Variants in NCAM1 observed in about 807,000 individuals in gnomAD.
The protein encoded by NCAM1 is neural cell adhesion molecule 1, also known as antigen recognized by monoclonal antibody 5.1H11.
In NCAM1, 14 loss-of-function variants were observed where a neutral mutation model predicts 109.8. The ratio of observed to expected loss-of-function variants is 0.13; its 90% CI spans 0.08 to 0.20. NCAM1 has a LOEUF of 0.20. NCAM1 is among the 10% of genes least tolerant of loss of function. The pLI, the probability that NCAM1 is intolerant of heterozygous loss-of-function variation, is 1.00. For synonymous variants in NCAM1, 418 were observed against 442.9 expected (o/e 0.94, Z 0.70); for missense variants, 774 against 1,109.9 (o/e 0.70, Z 4.30).
chr11:113,271,778 G>A lies in NCAM1; in HGVS notation c.2358G>A (p.Glu786=). ...KAAFSKDESK[E]PIVEVRTEEE... ...TCCACAGGAAAGATGAGTCCAAGGA[G>A]CCCATCGTGGAGGTTCGAACGGAGG... The change falls in exon 19 of 20, where the codon GAG becomes GAA. Residue 786 remains glutamate (E), a synonymous_variant. Transcript: ENST00000316851. 3 of 1,560,008 alleles carry A rather than the reference G, an allele frequency of 1.9e-6. No homozygotes were observed. The highest frequency in any genetic ancestry group is 1.9e-5 in the Admixed American group (1 of 51,984).
intron 1 of NCAM1, among the ~76,000 whole-genome samples, chr11:113,171,787 C>T (rs966653557): frequency 1.7e-4 from 26 of 152,258 alleles, no homozygotes; most frequent in Middle Eastern, 3.4e-3. Flanking sequence ...GAATTCTGTC[C>T]GCCCCAAATT....
At chr11:113,263,267 A>AAATATG in intron 17 of NCAM1, 1 of 1,033,164 alleles carries the variant, frequency 9.7e-7, no homozygotes, top group Non-Finnish European at 1.2e-6. Flanking sequence ...GTTCAAACCT[A>AAATATG]AATATGATGT....
At chr11:113,092,187 G>A (rs1939378532) in intron 1 of NCAM1, among the ~76,000 whole-genome samples, 1 of 152,114 alleles carries the variant, frequency 6.6e-6, no homozygotes, top group Admixed American at 6.5e-5. Flanking sequence ...CTGCCAGACA[G>A]TGTTCTAAAT....
At chr11:113,129,390 C>A (rs1941306697) in intron 1 of NCAM1, among the ~76,000 whole-genome samples, 1 of 152,176 alleles carries the variant, frequency 6.6e-6, no homozygotes, top group Non-Finnish European at 1.5e-5. Context: ...TCTCCACTGG[C>A]TACATCTTCA....
chr11:113,166,418 T>C (rs951066570), intron 1 of NCAM1, among the ~76,000 whole-genome samples: 2 of 152,320 alleles, frequency 1.3e-5, no homozygotes, highest in East Asian at 1.9e-4. Flanking sequence ...GAGGCACTCC[T>C]CTACCATTAC....
At chr11:113,259,187 G>A (rs1459783077) in intron 16 of NCAM1, among the ~76,000 whole-genome samples, 1 of 150,786 alleles carries the variant, frequency 6.6e-6, no homozygotes, top group Non-Finnish European at 1.5e-5. Flanking sequence ...AAGTAGCTGG[G>A]ACTACAGGCG....
intron 1 of NCAM1, among the ~76,000 whole-genome samples, chr11:113,101,279 A>G (rs1939863208): frequency 6.6e-6 from 1 of 152,140 alleles, no homozygotes; most frequent in African/African-American, 2.4e-5. Flanking sequence ...AGGAAATTTT[A>G]ATAATTATTA....
chr11:113,086,817 A>T (rs2135725982), intron 1 of NCAM1, among the ~76,000 whole-genome samples: 1 of 152,362 alleles, frequency 6.6e-6, no homozygotes, highest in African/African-American at 2.4e-5. Context: ...CTTAAAAAAA[A>T]ATAATACTTG....
chr11:113,008,511 A>G (rs1271819908), intron 1 of NCAM1, among the ~76,000 whole-genome samples: 1 of 152,200 alleles, frequency 6.6e-6, no homozygotes, highest in Non-Finnish European at 1.5e-5. Context: ...AACTCTCCCC[A>G]TATATTAGTT....
At chr11:113,009,312 GTTTTTTTTTTTTTTTT>G (rs781818836) in intron 1 of NCAM1, among the ~76,000 whole-genome samples, 5 of 79,690 alleles carry the variant, frequency 6.3e-5, no homozygotes, top group African/African-American at 1.9e-4. Flanking sequence ...GTTTTTTCGG[GTTTTTTTTTTTTTTTT>G]TTTTTTTTTT....
intron 1 of NCAM1, among the ~76,000 whole-genome samples, chr11:113,069,965 T>C (rs1449588015): frequency 6.6e-6 from 1 of 151,976 alleles, no homozygotes; most frequent in African/African-American, 2.4e-5. Context: ...TCAGGAGGAT[T>C]TGTCCAGCAA....
At chr11:113,161,483 C>A (rs907003694) in intron 1 of NCAM1, among the ~76,000 whole-genome samples, 18 of 152,098 alleles carry the variant, frequency 1.2e-4, no homozygotes, top group Non-Finnish European at 2.5e-4. Context: ...ACTGAGTTAT[C>A]AAAAATACAT....
In NCAM1 at chr11:113,237,933, T is replaced by G. The variant is rs61902537; in HGVS notation, c.1825+2769T>G. ...ATATATAGATATATAGATATAGATATATAGATATATATATAGATATATAGA... is the reference window on the plus strand; with the variant it reads ...ATATATAGATATATAGATATAGATAGATAGATATATATATAGATATATAGA... On this transcript the variant is annotated intron_variant, in intron 14 of 19. Coordinates refer to ENST00000316851, the MANE Select transcript of NCAM1 (RefSeq NM_181351.5). 3.8e-4 allele frequency among the ~76,000 whole-genome samples: 35 copies of G among 90,980 alleles called. No individual in the cohort carries two copies. In the Middle Eastern group the frequency reaches 0.017, roughly 44 times the overall value. The allele number at this position is 90,980 out of a possible 152,430, so 59.7% of individuals were successfully genotyped here.
Position 113,273,530 on chromosome 11 carries a change from G to A in NCAM1, c.2456+1654G>A, listed in dbSNP as rs781984800. The A allele has an allele frequency of 5.6e-6, 2 of 355,386 alleles. No homozygotes were observed. Among genetic ancestry groups the A allele is most frequent in the South Asian group, 2.0e-5 (1 of 48,944 alleles). The allele number at this position is 355,386 out of a possible 1,614,324, so 22.0% of individuals were successfully genotyped here. ...AGGCAGCCACAGCCCTTGCTAGCCC[G>A]AAGAGCGAGGCTGCCTCCGTCAGCA... On this transcript the variant is annotated intron_variant, in intron 19 of 19. Coordinates refer to ENST00000316851, the MANE Select transcript of NCAM1 (RefSeq NM_181351.5). The surrounding 1 kb of genome is among the most constrained non-coding windows in gnomAD (Gnocchi z 6.0).
At chr11:113,094,281 T>C (rs1939493074) in intron 1 of NCAM1, among the ~76,000 whole-genome samples, 2 of 152,328 alleles carry the variant, frequency 1.3e-5, no homozygotes, top group South Asian at 4.1e-4. Flanking sequence ...GAAAACATTC[T>C]ATCGTTTGGC....
chr11:113,088,687 G>T (rs897518420), intron 1 of NCAM1, among the ~76,000 whole-genome samples: 26 of 152,130 alleles, frequency 1.7e-4, no homozygotes, highest in Non-Finnish European at 3.8e-4. Context: ...ACTTTTATAG[G>T]CTACAGGTGT....
At chr11:113,145,830 A>G (rs1332861038) in intron 1 of NCAM1, among the ~76,000 whole-genome samples, 1 of 151,522 alleles carries the variant, frequency 6.6e-6, no homozygotes. Flanking sequence ...AGGCACATCT[A>G]AAAGCAAATA....
chr11:113,150,078 T>C (rs782417817), intron 1 of NCAM1, among the ~76,000 whole-genome samples: 2 of 151,802 alleles, frequency 1.3e-5, no homozygotes, highest in Non-Finnish European at 2.9e-5. Context: ...AGTTTAGAAC[T>C]GAAAGGAAAA....
chr11:113,027,263 C>T (rs1165827068), intron 1 of NCAM1, among the ~76,000 whole-genome samples: 1 of 152,018 alleles, frequency 6.6e-6, no homozygotes, highest in Non-Finnish European at 1.5e-5. Flanking sequence ...AATTTGGGAT[C>T]CTAAAGAGTA....
Sources: gnomAD v4.1 joint callset for allele counts (sites outside exome capture counted in the v4.1 genomes callset) on GRCh38, gnomAD v4.1.1 for gene constraint, Gnocchi (gnomAD v3.1) non-coding constraint, MANE v1.5 for transcripts, NCBI Gene and HGNC (gene_info 2026-07-23, HGNC 2026-07-21) for gene names.